Variants in ALPK3 observed in about 807,000 individuals in gnomAD.
The protein encoded by ALPK3 is alpha-protein kinase 3.
In ALPK3, 102 loss-of-function variants were observed where a neutral mutation model predicts 140.0. The observed-to-expected ratio is 0.73, with a 90% confidence interval of 0.62 to 0.86. The LOEUF is 0.86. Ranked by LOEUF, ALPK3 falls within the 40% of genes least tolerant of loss-of-function variation. The pLI is 0.00. For synonymous variants in ALPK3, 938 were observed against 898.5 expected, an observed-to-expected ratio of 1.04 and a Z score of -0.79; for missense variants, 2,254 against 2,208.2, an observed-to-expected ratio of 1.02 and a Z score of -0.42.
Position 84,840,144 on chromosome 15 carries a change from G to A in ALPK3, c.865G>A (p.Glu289Lys). 1 of 1,614,058 alleles carries A rather than the reference G, an allele frequency of 6.2e-7. No individual in the cohort carries two copies. The highest frequency in any genetic ancestry group is 8.5e-7 in the Non-Finnish European group (1 of 1,179,982). The change falls in exon 5 of 14, where the codon GAG becomes AAG. Residue 289 changes from glutamate (E) to lysine (K), a missense_variant. Coordinates refer to ENST00000258888, the MANE Select transcript of ALPK3 (RefSeq NM_020778.5). ...TGCCCCCGAGAATGGAGAGGACGGA[G>A]AGCATGGCTTGCTGACATACATCTG... ...EAAPENGEDG[E>K]HGLLTYICDA...
intron 3 of ALPK3, among the ~76,000 whole-genome samples, chr15:84,835,190 T>C (rs1963586249): frequency 1.3e-5 from 2 of 152,188 alleles, no homozygotes; most frequent in African/African-American, 4.8e-5. Flanking sequence ...AGGGATGAGA[T>C]CATCTCACAG....
rs1478038570 is a variant in ALPK3 at position 84,839,912 on chromosome 15, C to T, written c.633C>T (p.Asp211=). 7.4e-6 allele frequency: 12 copies of T among 1,613,906 alleles called. No individual in the cohort carries two copies. The highest frequency in any genetic ancestry group is 1.3e-5 in the African/African-American group (1 of 75,062). The change falls in exon 5 of 14, where the codon GAC becomes GAT. Residue 211 remains aspartate, a synonymous_variant. Transcript: ENST00000258888. Reference sequence around the variant, plus strand: ...AGAAGGCGGTGCCTGGGGAGGTCGACACTCTGCGCAAGCTCAGCCCCGACC... The same window carrying T: ...AGAAGGCGGTGCCTGGGGAGGTCGATACTCTGCGCAAGCTCAGCCCCGACC... ...KHEKAVPGEV[D]TLRKLSPDRF...
At position 84,856,715 on chromosome 15, in the gene ALPK3, G is replaced by C. The variant is rs781311599; in HGVS notation, c.1977G>C (p.Lys659Asn). 1 of 1,613,942 alleles carries C rather than the reference G, an allele frequency of 6.2e-7. No homozygotes were observed. Among genetic ancestry groups the C allele is most frequent in the African/African-American group, 1.3e-5 (1 of 74,876 alleles). ...KRPQSDRSAQ[K>N]GMMTQGRAET... ...CACAGTCAGACAGGAGTGCACAGAA[G>C]GGCATGATGACACAGGGAAGGGCAG... The change falls in exon 6 of 14, where the codon AAG (lysine) becomes AAC (asparagine). Residue 659 changes from lysine to asparagine, a missense_variant. Transcript: ENST00000258888.
Position 84,857,043 on chromosome 15 carries a change from C to T in ALPK3, c.2305C>T (p.Pro769Ser). Residue 769 changes from proline (P) to serine (S), a missense_variant, in exon 6 of 14, where the codon CCT becomes TCT. Pro to Ser is a moderately conservative substitution (Grantham distance 74). This residue lies in a region of ALPK3 where 2,088 missense variants were observed against 2,022.9 expected (regional missense o/e 1.03). Coordinates refer to ENST00000258888, the MANE Select transcript of ALPK3 (RefSeq NM_020778.5). ...TPEGSCFPKKPGCLPRSEEAV... is the reference protein window; with the variant it reads ...TPEGSCFPKKSGCLPRSEEAV... The stretch of plus-strand genomic sequence containing the variant: ...AGAAGGGTCTTGTTTCCCAAAAAAA[C>T]CTGGTTGCCTGCCCAGATCTGAGGA... 4 of 1,614,158 alleles carry T rather than the reference C, an allele frequency of 2.5e-6. No individual in the cohort carries two copies. The highest frequency in any genetic ancestry group is 3.4e-6 in the Non-Finnish European group (4 of 1,180,026).
chr15:84,820,566 C>T (rs1170735021), intron 1 of ALPK3, among the ~76,000 whole-genome samples: 2 of 152,004 alleles, frequency 1.3e-5, no homozygotes, highest in Non-Finnish European at 2.9e-5. Flanking sequence ...CTGCAACCTC[C>T]GCCTCCCAGG....
chr15:84,862,591 GACAGGAGCTCCTGGTC>G, intron 9 of ALPK3, 28 bp from the exon 10 acceptor site: 1 of 1,558,798 alleles, frequency 6.4e-7, no homozygotes, highest in Non-Finnish European at 8.7e-7. Flanking sequence ...ACATTGGTGA[GACAGGAGCTCCTGGTC>G]TCCCACATTT....
chr15:84,820,214 T>A (rs1470446998), intron 1 of ALPK3, among the ~76,000 whole-genome samples: 1 of 152,176 alleles, frequency 6.6e-6, no homozygotes, highest in Non-Finnish European at 1.5e-5. Flanking sequence ...GCCCCCTGGA[T>A]TCTTGGAGGC....
At position 84,857,645 on chromosome 15, in the gene ALPK3, GCTGT is replaced by G; in HGVS notation, c.2909_2912del (p.Leu970ProfsTer27). ...AGAACTACCTGCTTCTGCTGCTGAAGCTGTCCAGCACAGAGACAAGTGGAGCAGG... is the reference window on the plus strand; with the variant it reads ...AGAACTACCTGCTTCTGCTGCTGAAGCCAGCACAGAGACAAGTGGAGCAGG... On this transcript the variant is annotated frameshift_variant, in exon 6 of 14. Transcript: ENST00000258888. LOFTEE classifies it high-confidence loss of function. 1 of 1,593,586 alleles carries G rather than the reference GCTGT, an allele frequency of 6.3e-7. No individual in the cohort carries two copies. The highest frequency in any genetic ancestry group is 8.6e-7 in the Non-Finnish European group (1 of 1,166,274).
intron 3 of ALPK3, among the ~76,000 whole-genome samples, chr15:84,830,198 T>G (rs1234016758): frequency 6.6e-6 from 1 of 152,234 alleles, no homozygotes; most frequent in Non-Finnish European, 1.5e-5. Flanking sequence ...GTCAATGACA[T>G]CAGTAATCTG....
chr15:84,823,434 C>G, intron 2 of ALPK3, 66 bp downstream of exon 2: 1 of 1,573,186 alleles, frequency 6.4e-7, no homozygotes, highest in Non-Finnish European at 8.7e-7. Context: ...TGAGGGGCCA[C>G]TGAGTGTCTG....
At position 84,857,737 on chromosome 15, in the gene ALPK3, C is replaced by G. The variant is rs1231219923; in HGVS notation, c.2999C>G (p.Thr1000Ser). The change falls in exon 6 of 14, where the codon ACT becomes AGT. Residue 1000 changes from threonine to serine, a missense_variant. Thr to Ser is a moderately conservative substitution (Grantham distance 58). Around this residue, in one of 3 missense-constraint regions of ALPK3, gnomAD observed 2,088 missense variants for 2,022.9 expected, o/e 1.03. Coordinates refer to ENST00000258888, the MANE Select transcript of ALPK3 (RefSeq NM_020778.5). ...GTGCCCTCAGCCACTCTGACACCCACTGTGGAAGTGGCTGGGCTTAGTCCC... is the reference window on the plus strand; with the variant it reads ...GTGCCCTCAGCCACTCTGACACCCAGTGTGGAAGTGGCTGGGCTTAGTCCC... The part of the protein sequence containing the change: ...GLVPSATLTP[T>S]VEVAGLSPRT... The G allele has an allele frequency of 1.2e-6, 2 of 1,613,500 alleles. No individual in the cohort carries two copies. Among genetic ancestry groups the G allele is most frequent in the South Asian group, 2.2e-5 (2 of 91,070 alleles).
intron 1 of ALPK3, among the ~76,000 whole-genome samples, chr15:84,821,403 C>G (rs1322489504): frequency 6.6e-6 from 1 of 152,238 alleles, no homozygotes; most frequent in Admixed American, 6.5e-5. Flanking sequence ...AACTCTCCCC[C>G]TCTCCTTCCC....
At chr15:84,833,957 T>TTGTGTGTGTGTGTG (rs71453270) in intron 3 of ALPK3, among the ~76,000 whole-genome samples, 259 of 147,328 alleles carry the variant, frequency 1.8e-3, no homozygotes, top group East Asian at 0.013. Context: ...AGATTCTGTG[T>TTGTGTGTGTGTGTG]TGTGTGTGTG....
rs781341096 is a variant in ALPK3, at chr15:84,868,398, A to C, written c.5060A>C (p.Gln1687Pro). The change falls in exon 14 of 14, where the codon CAG becomes CCG. Residue 1687 changes from glutamine (Q) to proline (P), a missense_variant. Around this residue, in one of 3 missense-constraint regions of ALPK3, gnomAD observed 158 missense variants for 159.8 expected, o/e 0.99. Coordinates refer to ENST00000258888, the MANE Select transcript of ALPK3 (RefSeq NM_020778.5). ...TPQASEPVTTQLLGQPPTQEE... is the reference protein window; with the variant it reads ...TPQASEPVTTPLLGQPPTQEE... ...CAGGCCTCAGAGCCAGTCACCACTC[A>C]GTTGTTGGGACAGCCTCCCACCCAA... The C allele has an allele frequency of 3.1e-6, 5 of 1,613,090 alleles. No homozygotes were observed. In the African/African-American group the frequency reaches 4.0e-5, roughly 13 times the overall value.
chr15:84,858,347 G>T lies in ALPK3; in HGVS notation c.3609G>T (p.Gly1203=). The T allele has an allele frequency of 6.4e-7, 1 of 1,556,820 alleles. No homozygotes were observed. Among genetic ancestry groups the T allele is most frequent in the Non-Finnish European group, 8.7e-7 (1 of 1,150,894 alleles). ...GGCCCAGGAAAAGCCTGGTGCCTGG[G>T]TCCCCAGGGACTCCAGGGCGGGAGA... ...PRGPRKSLVP[G]SPGTPGRERR... is the part of the protein sequence containing the mutation. The change falls in exon 6 of 14, where the codon GGG becomes GGT. Residue 1203 remains glycine (G), a synonymous_variant. Coordinates refer to ENST00000258888, the MANE Select transcript of ALPK3 (RefSeq NM_020778.5).
intron 5 of ALPK3, among the ~76,000 whole-genome samples, chr15:84,855,134 C>G (rs72753065): frequency 0.014 from 2,169 of 152,340 alleles, 26 homozygotes; most frequent in Non-Finnish European, 0.021. Context: ...CTCTCCTTGT[C>G]TGCTCTGCTC....
chr15:84,856,390 A>T lies in ALPK3; in HGVS notation c.1654-2A>T. On this transcript the variant is annotated splice_acceptor_variant, in intron 5 of 13. Coordinates refer to ENST00000258888, the MANE Select transcript of ALPK3 (RefSeq NM_020778.5). LOFTEE classifies it high-confidence loss of function. ...TCCTTGCTTTTGTCCCTCTGTTTTCAGGTCCTGGAATGCCAGACAACCACG... is the reference window on the plus strand; with the variant it reads ...TCCTTGCTTTTGTCCCTCTGTTTTCTGGTCCTGGAATGCCAGACAACCACG... 2 of 1,583,480 alleles carry T rather than the reference A, an allele frequency of 1.3e-6. No individual in the cohort carries two copies. Among genetic ancestry groups the T allele is most frequent in the Non-Finnish European group, 1.7e-6 (2 of 1,168,184 alleles).
chr15:84,857,733 C>T lies in ALPK3; in HGVS notation c.2995C>T (p.Pro999Ser), dbSNP rs767387547. ...GGLVPSATLT[P>S]TVEVAGLSPR... ...TCTGGTGCCCTCAGCCACTCTGACA[C>T]CCACTGTGGAAGTGGCTGGGCTTAG... is the stretch of plus-strand genomic sequence containing the variant. The change falls in exon 6 of 14, where the codon CCC becomes TCC. Residue 999 changes from proline (P) to serine (S), a missense_variant. Transcript: ENST00000258888. 1.9e-6 allele frequency: 3 copies of T among 1,613,330 alleles called. No individual in the cohort carries two copies. The highest frequency in any genetic ancestry group is 2.2e-5 in the East Asian group (1 of 44,884).
At chr15:84,866,549 G>C (rs535354114) in intron 12 of ALPK3, among the ~76,000 whole-genome samples, 35 of 152,326 alleles carry the variant, frequency 2.3e-4, no homozygotes, top group African/African-American at 8.2e-4. Context: ...TTGAAAATGG[G>C]GGAAAGAGCA....
Sources: gnomAD v4.1 joint callset for allele counts (sites outside exome capture counted in the v4.1 genomes callset) on GRCh38, gnomAD v4.1.1 for gene constraint, gnomAD v4.1.1 regional missense constraint, MANE v1.5 for transcripts, NCBI Gene and HGNC (gene_info 2026-07-23, HGNC 2026-07-21) for gene names.